Variants in NDRG3 observed in about 807,000 individuals in gnomAD.
NDRG3 encodes NDRG family member 3, also known as protein NDRG3.
In NDRG3, 23 loss-of-function variants were observed where a neutral mutation model predicts 57.2. That is an observed-to-expected ratio of 0.40 (90% CI 0.29 to 0.57). The LOEUF is 0.57. Among genes scored for constraint, NDRG3 ranks in the 20% least tolerant of loss-of-function variants. The pLI is 0.42. For synonymous variants in NDRG3, 132 were observed against 162.6 expected, an observed-to-expected ratio of 0.81 and a Z score of 1.43; for missense variants, 384 against 457.3, an observed-to-expected ratio of 0.84 and a Z score of 1.46.
rs143155013 is a variant in NDRG3 at position 36,742,117 on chromosome 20, T to G, written c.-49+3928A>C. On this transcript the variant is annotated intron_variant, in intron 1 of 15. Coordinates refer to ENST00000349004, the MANE Select transcript of NDRG3 (RefSeq NM_032013.4). Reference sequence around the variant, plus strand: ...TCATACTGATCCTTCTTGCCCCCTTTCCCCAGCTCCCATGATACAGCTAGT... The same window carrying G: ...TCATACTGATCCTTCTTGCCCCCTTGCCCCAGCTCCCATGATACAGCTAGT... Among the ~76,000 whole-genome samples the G allele has an allele frequency of 4.4e-3, 665 of 152,188 alleles. 7 individuals are homozygous for G. Among genetic ancestry groups the G allele is most frequent in the African/African-American group, 0.015 (631 of 41,536 alleles).
At chr20:36,680,933 A>T in intron 7 of NDRG3, 31 bp from the exon 8 acceptor site, 1 of 1,561,974 alleles carries the variant, frequency 6.4e-7, no homozygotes, top group South Asian at 1.1e-5. Flanking sequence ...AATAGTATGA[A>T]AGCTACACTC....
intron 1 of NDRG3, among the ~76,000 whole-genome samples, chr20:36,741,838 G>C (rs1407592806): frequency 6.6e-6 from 1 of 152,196 alleles, no homozygotes; most frequent in African/African-American, 2.4e-5. Context: ...CAGAAACTCT[G>C]AAGGTCGAGC....
intron 1 of NDRG3, among the ~76,000 whole-genome samples, chr20:36,739,446 CAAAAAAAAA>C (rs1985804070): frequency 1.5e-5 from 1 of 67,172 alleles, no homozygotes; most frequent in East Asian, 3.7e-4. Flanking sequence ...GACTCCGCCT[CAAAAAAAAA>C]GAAAAAAAAA....
At chr20:36,663,603 T>G (rs1442668885) in intron 12 of NDRG3, among the ~76,000 whole-genome samples, 1 of 152,176 alleles carries the variant, frequency 6.6e-6, no homozygotes, top group Non-Finnish European at 1.5e-5. Flanking sequence ...TGCTAGACAG[T>G]GTGCAGTGAA....
intron 1 of NDRG3, among the ~76,000 whole-genome samples, chr20:36,732,263 A>G (rs1181316351): frequency 6.6e-6 from 1 of 152,242 alleles, no homozygotes; most frequent in Non-Finnish European, 1.5e-5. Flanking sequence ...TTCAAGTTTT[A>G]CAGCAAAACT....
intron 8 of NDRG3, among the ~76,000 whole-genome samples, chr20:36,680,306 G>A (rs1336324909): frequency 2.6e-5 from 4 of 151,654 alleles, no homozygotes; most frequent in Non-Finnish European, 5.9e-5. Flanking sequence ...TCAAGATGGT[G>A]AAACCTGGTC....
intron 1 of NDRG3, among the ~76,000 whole-genome samples, chr20:36,733,171 AATATATAT>A (rs1555807708): frequency 0.016 from 516 of 33,214 alleles, 20 homozygotes; most frequent in African/African-American, 0.049. Flanking sequence ...AAAAAAAAAA[AATATATAT>A]ATATATATAT....
intron 2 of NDRG3, among the ~76,000 whole-genome samples, chr20:36,714,504 C>T (rs1397741750): frequency 1.0e-4 from 15 of 149,340 alleles, no homozygotes; most frequent in Non-Finnish European, 1.3e-4. Flanking sequence ...TGCAATAGCG[C>T]GATCTCGACT....
At chr20:36,656,576 A>C (rs752525648) in intron 13 of NDRG3, 44 bp from the exon 14 acceptor site, 1 of 1,610,842 alleles carries the variant, frequency 6.2e-7, no homozygotes, top group South Asian at 1.1e-5. Flanking sequence ...CTTACCCTTA[A>C]GAGAATTGCT....
intron 1 of NDRG3, among the ~76,000 whole-genome samples, chr20:36,743,818 AAAAAACAAAC>A (rs1258596601): frequency 2.6e-5 from 4 of 151,812 alleles, no homozygotes; most frequent in Non-Finnish European, 4.4e-5. Flanking sequence ...ACTCCGTCTC[AAAAAACAAAC>A]AAAAACAAAC....
At chr20:36,743,253 G>A (rs368084584) in intron 1 of NDRG3, among the ~76,000 whole-genome samples, 3 of 152,248 alleles carry the variant, frequency 2.0e-5, no homozygotes, top group East Asian at 3.9e-4. Flanking sequence ...CACCACTTTG[G>A]GAGGCAGAGG....
chr20:36,692,219 T>C (rs1281031508), intron 3 of NDRG3, among the ~76,000 whole-genome samples: 2 of 152,176 alleles, frequency 1.3e-5, no homozygotes, highest in Non-Finnish European at 2.9e-5. Flanking sequence ...TACTGTTTTT[T>C]ACGTTTTGTT....
intron 2 of NDRG3, among the ~76,000 whole-genome samples, chr20:36,720,679 C>T (rs1215733254): frequency 1.3e-5 from 2 of 152,148 alleles, no homozygotes; most frequent in Admixed American, 6.6e-5. Flanking sequence ...ACGCACATCA[C>T]CAGCCATGGA....
intron 3 of NDRG3, 86 bp downstream of exon 3, chr20:36,706,886 T>A (rs994127347): frequency 8.9e-7 from 1 of 1,126,002 alleles, no homozygotes; most frequent in Non-Finnish European, 1.3e-6. Flanking sequence ...TAATGAGAGA[T>A]CCACTTCTAC....
chr20:36,653,589 A>C lies in NDRG3; in HGVS notation c.1059T>G (p.Asp353Glu). The C allele has an allele frequency of 6.2e-7, 1 of 1,614,248 alleles. No homozygotes were observed. Among genetic ancestry groups the C allele is most frequent in the Non-Finnish European group, 8.5e-7 (1 of 1,180,016 alleles). ...GGGACTCACAGGATTCTTGAGTTCC[A>C]TCTGACTGATTGCTGGTGACAGACC... ...FSRSVTSNQS[D>E]GTQESCESPD... is the part of the protein sequence containing the mutation. The change falls in exon 16 of 16, where the codon GAT becomes GAG. Residue 353 changes from aspartate to glutamate, a missense_variant. Asp to Glu is a conservative substitution (Grantham distance 45). Coordinates refer to ENST00000349004, the MANE Select transcript of NDRG3 (RefSeq NM_032013.4). The surrounding 1 kb of genome is among the most constrained non-coding windows in gnomAD (Gnocchi z 4.2).
chr20:36,671,474 C>A (rs1980154907), intron 8 of NDRG3, 77 bp from the exon 9 acceptor site: 4 of 1,069,238 alleles, frequency 3.7e-6, no homozygotes, highest in Non-Finnish European at 5.7e-6. Context: ...AAAATGAGTG[C>A]ACTTTATTAT....
chr20:36,683,646 G>GTA (rs1157814027), intron 6 of NDRG3, among the ~76,000 whole-genome samples: 43 of 140,356 alleles, frequency 3.1e-4, no homozygotes, highest in Non-Finnish European at 4.3e-4. Flanking sequence ...ATAAATATAT[G>GTA]TATATATATG....
intron 1 of NDRG3, among the ~76,000 whole-genome samples, chr20:36,728,042 G>T (rs1327595625): frequency 6.6e-6 from 1 of 151,610 alleles, no homozygotes; most frequent in Non-Finnish European, 1.5e-5. Flanking sequence ...CTAAATAAGT[G>T]AATAATAGGG....
chr20:36,731,356 G>A (rs1985272235), intron 1 of NDRG3, among the ~76,000 whole-genome samples: 2 of 152,250 alleles, frequency 1.3e-5, no homozygotes, highest in South Asian at 4.1e-4. Flanking sequence ...AAAAGTGGAG[G>A]AAAACTGTCA....
Sources: gnomAD v4.1 joint callset for allele counts (sites outside exome capture counted in the v4.1 genomes callset) on GRCh38, gnomAD v4.1.1 for gene constraint, Gnocchi (gnomAD v3.1) non-coding constraint, MANE v1.5 for transcripts, NCBI Gene and HGNC (gene_info 2026-07-23, HGNC 2026-07-21) for gene names.